Variants in SRGAP2 observed in about 807,000 individuals in gnomAD.
SRGAP2 encodes the protein SLIT-ROBO Rho GTPase activating protein 2, also known as SLIT-ROBO Rho GTPase-activating protein 2.
A neutral mutation model predicts 57.2 loss-of-function variants in SRGAP2; 15 were observed. The observed-to-expected ratio is 0.26, with a 90% CI of 0.18 to 0.40. The LOEUF (loss-of-function observed/expected upper bound fraction) is 0.40, where lower values mean the gene tolerates loss of function less well. SRGAP2 is among the 10% of genes least tolerant of loss of function. The pLI, the probability that SRGAP2 is intolerant of heterozygous loss-of-function variation, is 1.00. For missense variants in SRGAP2, 520 were observed against 669.6 expected (o/e 0.78, Z 2.47); for synonymous variants, 249 against 248.0 (o/e 1.00, Z -0.04).
At chr1:206,415,066 C>T (rs186819440) in intron 10 of SRGAP2, among the ~76,000 whole-genome samples, 4 of 152,276 alleles carry the variant, frequency 2.6e-5, no homozygotes, top group African/African-American at 9.6e-5. Flanking sequence ...ATTAAACTCT[C>T]GAAACCTCAG....
intron 2 of SRGAP2, among the ~76,000 whole-genome samples, chr1:206,287,105 A>T (rs1185528715): frequency 1.3e-5 from 2 of 152,200 alleles, no homozygotes; most frequent in East Asian, 3.8e-4. Flanking sequence ...GGTGGAGCTG[A>T]TAGGATTTGC....
intron 3 of SRGAP2, among the ~76,000 whole-genome samples, chr1:206,327,806 A>ATTTT (rs201218122): frequency 1.1e-5 from 1 of 88,650 alleles, no homozygotes; most frequent in African/African-American, 6.8e-5. Flanking sequence ...ACACTGAATC[A>ATTTT]TTTTTTTTTT....
intron 3 of SRGAP2, among the ~76,000 whole-genome samples, chr1:206,332,612 G>A (rs1407909992): frequency 7.0e-6 from 1 of 142,064 alleles, no homozygotes; most frequent in Non-Finnish European, 1.5e-5. Flanking sequence ...AGCTCCTGAG[G>A]CTTCTGCATT....
intron 7 of SRGAP2, among the ~76,000 whole-genome samples, chr1:206,398,972 T>G (rs1310983106): frequency 6.6e-6 from 1 of 152,080 alleles, no homozygotes; most frequent in Non-Finnish European, 1.5e-5. Context: ...TGGAGCTATA[T>G]TAGTATTTTT....
intron 4 of SRGAP2, among the ~76,000 whole-genome samples, chr1:206,346,659 A>G (rs1379455549): frequency 1.3e-5 from 2 of 152,102 alleles, no homozygotes; most frequent in Admixed American, 6.5e-5. Context: ...TAGGCTTAGA[A>G]AAGATACCTT....
At chr1:206,251,000 T>TA (rs1240962262) in intron 2 of SRGAP2, among the ~76,000 whole-genome samples, 10 of 151,620 alleles carry the variant, frequency 6.6e-5, no homozygotes, top group South Asian at 4.2e-4. Flanking sequence ...TGGGATGGCA[T>TA]AAAAAAAAGA....
At chr1:206,411,263 A>C (rs1659198264) in intron 10 of SRGAP2, among the ~76,000 whole-genome samples, 1 of 152,244 alleles carries the variant, frequency 6.6e-6, no homozygotes. Flanking sequence ...AAAGCTAAAC[A>C]GTCTGAATTC....
intron 2 of SRGAP2, among the ~76,000 whole-genome samples, chr1:206,262,570 G>A (rs201111057): frequency 6.6e-6 from 1 of 151,050 alleles, no homozygotes; most frequent in Non-Finnish European, 1.5e-5. Flanking sequence ...TCATTTGGAG[G>A]GAGAGTTGTG....
intron 2 of SRGAP2, among the ~76,000 whole-genome samples, chr1:206,249,551 T>TA (rs1668711705): frequency 6.7e-6 from 1 of 149,036 alleles, no homozygotes; most frequent in Non-Finnish European, 1.5e-5. Flanking sequence ...AATGAGAACA[T>TA]ACGGGCACAG....
At chr1:206,314,064 T>C (rs2790264) in intron 3 of SRGAP2, among the ~76,000 whole-genome samples, 13,182 of 150,786 alleles carry the variant, frequency 0.087, 1,389 homozygotes, top group African/African-American at 0.26. Flanking sequence ...AAATTAATGG[T>C]ATCTTTAAAA....
chr1:206,385,764 T>C (rs1174001700), intron 5 of SRGAP2, among the ~76,000 whole-genome samples: 1 of 152,198 alleles, frequency 6.6e-6, no homozygotes, highest in African/African-American at 2.4e-5. Context: ...TACCTCTGAC[T>C]GCAGACTTAA....
chr1:206,420,784 A>G (rs1201863991), intron 12 of SRGAP2, among the ~76,000 whole-genome samples: 1 of 152,126 alleles, frequency 6.6e-6, no homozygotes, highest in Non-Finnish European at 1.5e-5. Context: ...GATGTTCTAC[A>G]CTCTAAACCC....
At chr1:206,414,186 C>T (rs1659475656) in intron 10 of SRGAP2, among the ~76,000 whole-genome samples, 1 of 151,942 alleles carries the variant, frequency 6.6e-6, no homozygotes, top group South Asian at 2.1e-4. Context: ...CACTCACCAC[C>T]ACCATGCCCG....
chr1:206,267,519 C>A (rs1229628625), intron 2 of SRGAP2, among the ~76,000 whole-genome samples: 1 of 150,470 alleles, frequency 6.6e-6, no homozygotes, highest in African/African-American at 2.5e-5. Context: ...AAGGACGATC[C>A]TCTTGGAGAA....
At chr1:206,453,455 A>G in intron 20 of SRGAP2, 75 bp downstream of exon 20, 2 of 496,286 alleles carry the variant, frequency 4.0e-6, no homozygotes, top group South Asian at 3.3e-5. Context: ...TTCTGGAGCC[A>G]TAGGACTATG....
At chr1:206,340,118 A>G (rs879946852) in intron 3 of SRGAP2, among the ~76,000 whole-genome samples, 32 of 151,866 alleles carry the variant, frequency 2.1e-4, no homozygotes, top group Non-Finnish European at 3.2e-4. Flanking sequence ...GCATTAAGTG[A>G]TAAGGCATTT....
intron 3 of SRGAP2, among the ~76,000 whole-genome samples, chr1:206,311,380 T>G (rs1553324127): frequency 6.6e-6 from 1 of 152,108 alleles, no homozygotes; most frequent in African/African-American, 2.4e-5. Flanking sequence ...GAGGACTGGA[T>G]AGGGCTTTAG....
intron 16 of SRGAP2, among the ~76,000 whole-genome samples, chr1:206,439,568 A>C (rs1662080209): frequency 6.6e-6 from 1 of 152,080 alleles, no homozygotes; most frequent in Admixed American, 6.5e-5. Flanking sequence ...TGTTTGAATA[A>C]GAGGGTGGTA....
At chr1:206,207,526 T>G (rs797043178) in intron 2 of SRGAP2, 1 of 142,776 alleles carries the variant, frequency 7.0e-6, no homozygotes, top group Non-Finnish European at 1.5e-5. Context: ...TAATCCAGGC[T>G]TGTTTTTGTA....
Sources: gnomAD v4.1 joint callset for allele counts (sites outside exome capture counted in the v4.1 genomes callset) on GRCh38, gnomAD v4.1.1 for gene constraint, MANE v1.5 for transcripts, NCBI Gene and HGNC (gene_info 2026-07-23, HGNC 2026-07-21) for gene names.